ARHGEF26: variants seen among roughly 807,000 people sequenced by gnomAD.
ARHGEF26 encodes Rho guanine nucleotide exchange factor 26.
A neutral mutation model predicts 89.4 loss-of-function variants in ARHGEF26; 59 were observed. The ratio of observed to expected loss-of-function variants is 0.66; its 90% CI spans 0.54 to 0.82. The LOEUF is 0.82. Ranked by LOEUF, ARHGEF26 falls within the 40% of genes least tolerant of loss-of-function variation. ARHGEF26 has a pLI of 0.00. For missense variants in ARHGEF26, 1,234 were observed against 1,085.6 expected (o/e 1.14, Z -1.92); for synonymous variants, 500 against 428.4 (o/e 1.17, Z -2.06).
At chr3:154,198,042 A>G (rs1714393541) in intron 9 of ARHGEF26, among the ~76,000 whole-genome samples, 1 of 152,160 alleles carries the variant, frequency 6.6e-6, no homozygotes, top group Admixed American at 6.5e-5. Flanking sequence ...AAAATAGTCA[A>G]GCTCTATTTA....
intron 4 of ARHGEF26, among the ~76,000 whole-genome samples, chr3:154,139,200 G>C (rs2108069978): frequency 6.6e-6 from 1 of 152,244 alleles, no homozygotes; most frequent in African/African-American, 2.4e-5. Flanking sequence ...GGCCAGTGCA[G>C]CTGGAACATC....
At chr3:154,187,302 A>G in intron 6 of ARHGEF26, 1 of 795,114 alleles carries the variant, frequency 1.3e-6, no homozygotes, top group African/African-American at 1.9e-5. Context: ...TTGAAAAATA[A>G]TGAAATATGT....
intron 9 of ARHGEF26, among the ~76,000 whole-genome samples, chr3:154,214,865 A>G (rs1715619885): frequency 6.6e-6 from 1 of 152,186 alleles, no homozygotes; most frequent in Admixed American, 6.5e-5. Flanking sequence ...AGATATAGCT[A>G]TCAATCCCTG....
chr3:154,221,318 A>G (rs933638726), intron 10 of ARHGEF26, among the ~76,000 whole-genome samples: 4 of 152,244 alleles, frequency 2.6e-5, no homozygotes, highest in African/African-American at 7.2e-5. Flanking sequence ...AAATAATTCA[A>G]AAGTTTGATA....
intron 5 of ARHGEF26, among the ~76,000 whole-genome samples, chr3:154,150,803 T>G (rs1402315752): frequency 1.3e-5 from 2 of 152,190 alleles, no homozygotes; most frequent in Non-Finnish European, 2.9e-5. Flanking sequence ...TTCTATCATA[T>G]TCTGAAAATA....
At chr3:154,219,017 G>C (rs1715951258) in intron 10 of ARHGEF26, among the ~76,000 whole-genome samples, 1 of 152,054 alleles carries the variant, frequency 6.6e-6, no homozygotes, top group African/African-American at 2.4e-5. Flanking sequence ...GAAGAAGATG[G>C]GTATTTGCCA....
intron 6 of ARHGEF26, among the ~76,000 whole-genome samples, chr3:154,167,149 T>C (rs866255495): frequency 1.3e-5 from 2 of 152,194 alleles, no homozygotes; most frequent in Middle Eastern, 3.2e-3. Flanking sequence ...ATTGTGAAAA[T>C]AGTCATTGCT....
intron 11 of ARHGEF26, among the ~76,000 whole-genome samples, chr3:154,236,978 G>A (rs1213737878): frequency 6.6e-6 from 1 of 152,158 alleles, no homozygotes; most frequent in East Asian, 1.9e-4. Context: ...CAAGTTCCTT[G>A]TTCAGGCATA....
chr3:154,240,357 C>T lies in ARHGEF26; in HGVS notation c.2091-13C>T, dbSNP rs763215625. On this transcript the variant is annotated splice_polypyrimidine_tract_variant and intron_variant, in intron 11 of 14. Transcript: ENST00000465093. ...CTGAATAATTGACGTGTTCTTTTCC[C>T]TTTCCTTTACAGTGAAGAAAGTTAC... 1.9e-6 allele frequency: 3 copies of T among 1,578,732 alleles called. No homozygotes were observed. In the African/African-American group the frequency reaches 4.1e-5, roughly 21 times the overall value.
Position 154,256,670 on chromosome 3 carries a change from A to G in ARHGEF26, c.*1197A>G, listed in dbSNP as rs1718532557. On this transcript the variant is annotated 3_prime_UTR_variant, in exon 15 of 15. Coordinates refer to ENST00000465093, the MANE Select transcript of ARHGEF26 (RefSeq NM_015595.4). Reference sequence around the variant, plus strand: ...TGTTCCAACTCGTTTCCAAATAGAAATTAGCTGGAACACACTACAGTAATC... The same window carrying G: ...TGTTCCAACTCGTTTCCAAATAGAAGTTAGCTGGAACACACTACAGTAATC... 7.4e-6 allele frequency: 9 copies of G among 1,215,074 alleles called. No homozygotes were observed. The highest frequency in any genetic ancestry group is 9.2e-6 in the Non-Finnish European group (9 of 978,394). The allele number at this position is 1,215,074 out of a possible 1,614,324, so 75.3% of individuals were successfully genotyped here.
chr3:154,192,836 G>T (rs1219581442), intron 8 of ARHGEF26, among the ~76,000 whole-genome samples: 1 of 151,916 alleles, frequency 6.6e-6, no homozygotes, highest in Non-Finnish European at 1.5e-5. Context: ...TCCTCTTTGA[G>T]AATTGAAATA....
chr3:154,226,627 T>C (rs575634334), intron 11 of ARHGEF26, among the ~76,000 whole-genome samples: 4 of 151,218 alleles, frequency 2.6e-5, no homozygotes, highest in South Asian at 2.1e-4. Flanking sequence ...ACCTTTTCTT[T>C]CCAGTATTTC....
At chr3:154,198,658 A>G (rs537230197) in intron 9 of ARHGEF26, among the ~76,000 whole-genome samples, 3 of 152,158 alleles carry the variant, frequency 2.0e-5, no homozygotes, top group South Asian at 4.1e-4. Context: ...GTTCTGACTT[A>G]TAAGTGGGAG....
At chr3:154,140,473 T>A (rs1464953823) in intron 4 of ARHGEF26, among the ~76,000 whole-genome samples, 1 of 152,184 alleles carries the variant, frequency 6.6e-6, no homozygotes, top group Non-Finnish European at 1.5e-5. Context: ...CAGCCAATAA[T>A]GTGACTGCAA....
intron 11 of ARHGEF26, among the ~76,000 whole-genome samples, chr3:154,231,915 A>G (rs1375028788): frequency 2.0e-5 from 3 of 147,384 alleles, no homozygotes; most frequent in Admixed American, 1.4e-4. Flanking sequence ...TTTTTTTTTC[A>G]CTATTCCTAA....
Position 154,201,560 on chromosome 3 carries a change from A to T in ARHGEF26, c.1845+6842A>T, listed in dbSNP as rs1333246127. On this transcript the variant is annotated intron_variant, in intron 9 of 14. Transcript: ENST00000465093. The stretch of plus-strand genomic sequence containing the variant: ...GGTCAAATGAAATTTCTAGTTCTAG[A>T]TCCCTGAGGAATCGCCACACTGACT... Among the ~76,000 whole-genome samples the T allele has an allele frequency of 2.6e-5, 4 of 152,274 alleles. No individual in the cohort carries two copies. The South Asian group carries it at 6.2e-4, about 24-fold the overall frequency.
intron 6 of ARHGEF26, among the ~76,000 whole-genome samples, chr3:154,184,026 G>T (rs1713345030): frequency 6.7e-6 from 1 of 150,106 alleles, no homozygotes; most frequent in South Asian, 2.1e-4. Context: ...AGGCTAGAGT[G>T]CAGTGGCGCA....
At chr3:154,130,296 A>G (rs984667014) in intron 4 of ARHGEF26, among the ~76,000 whole-genome samples, 80 of 151,920 alleles carry the variant, frequency 5.3e-4, no homozygotes, top group African/African-American at 1.9e-3. Flanking sequence ...GTGTGCCACC[A>G]TACCCAGCTA....
intron 12 of ARHGEF26, among the ~76,000 whole-genome samples, chr3:154,245,486 C>T (rs544278446): frequency 7.2e-5 from 11 of 152,290 alleles, no homozygotes; most frequent in African/African-American, 2.4e-4. Flanking sequence ...GTTCCTTTGC[C>T]TGTGTTTTTC....
Sources: gnomAD v4.1 joint callset for allele counts (sites outside exome capture counted in the v4.1 genomes callset) on GRCh38, gnomAD v4.1.1 for gene constraint, MANE v1.5 for transcripts, NCBI Gene and HGNC (gene_info 2026-07-23, HGNC 2026-07-21) for gene names.